EXD3: variants seen among roughly 807,000 people sequenced by gnomAD.
The protein encoded by EXD3 is exonuclease mut-7 homolog.
A neutral mutation model predicts 98.0 loss-of-function variants in EXD3; 92 were observed. The ratio of observed to expected loss-of-function variants is 0.94; its 90% CI spans 0.79 to 1.12. The LOEUF is 1.12. Among genes scored for constraint, EXD3 ranks in the 50% most tolerant of loss-of-function variants. The probability of loss-of-function intolerance (pLI) is 0.00; values close to 1 mark genes in which losing one functional copy is unlikely to be tolerated. For missense variants in EXD3, 1,222 were observed against 1,191.6 expected (o/e 1.03, Z -0.38); for synonymous variants, 569 against 526.0 (o/e 1.08, Z -1.12).
At chr9:137,309,771 C>T (rs766255724) in intron 19 of EXD3, 71 bp from the exon 20 acceptor site, 22 of 1,188,864 alleles carry the variant, frequency 1.9e-5, no homozygotes, top group South Asian at 7.8e-5. Flanking sequence ...GCCCTCTGCT[C>T]GCTCCTCGAA....
intron 20 of EXD3, among the ~76,000 whole-genome samples, chr9:137,309,293 G>A (rs1351053288): frequency 6.6e-6 from 1 of 152,118 alleles, no homozygotes; most frequent in Non-Finnish European, 1.5e-5. Context: ...GTGTCTGTGT[G>A]CACCGCATGC....
chr9:137,334,950 G>A (rs1386065910), intron 17 of EXD3, among the ~76,000 whole-genome samples: 4 of 152,076 alleles, frequency 2.6e-5, no homozygotes, highest in East Asian at 3.9e-4. Flanking sequence ...GGTGGCAGGC[G>A]CCTGTAGTCC....
At chr9:137,388,321 G>A (rs1836714013) in intron 2 of EXD3, among the ~76,000 whole-genome samples, 2 of 152,090 alleles carry the variant, frequency 1.3e-5, no homozygotes, top group Non-Finnish European at 1.5e-5. Flanking sequence ...TCCCCAGGAC[G>A]GCTCCCCAGC....
chr9:137,331,658 G>A (rs970883864), intron 17 of EXD3, among the ~76,000 whole-genome samples: 21 of 152,206 alleles, frequency 1.4e-4, no homozygotes, highest in Middle Eastern at 3.2e-3. Flanking sequence ...GCTCACGCCT[G>A]TAATCCCAGC....
intron 8 of EXD3, among the ~76,000 whole-genome samples, chr9:137,355,983 A>G (rs1391970358): frequency 6.6e-6 from 1 of 152,100 alleles, no homozygotes; most frequent in Non-Finnish European, 1.5e-5. Context: ...CTCAGCACTC[A>G]CCCTCAGCTC....
At chr9:137,392,793 C>A in intron 2 of EXD3, 1 of 261,102 alleles carries the variant, frequency 3.8e-6, no homozygotes, top group East Asian at 1.1e-4. Flanking sequence ...CAGGGGGCAT[C>A]GAGGCTGTTC....
chr9:137,326,566 C>T lies in EXD3; in HGVS notation c.1999-2423G>A, dbSNP rs1477510690. On this transcript the variant is annotated intron_variant, in intron 17 of 21. Transcript: ENST00000340951. ...AGTTGGCAAAGGACTTAAATAGACA[C>T]TTCTTCAAAGATATACGCGTGGCCA... Among the ~76,000 whole-genome samples, 3 of 152,102 alleles carry T rather than the reference C, an allele frequency of 2.0e-5. No homozygotes were observed. The East Asian group carries it at 5.8e-4, about 29-fold the overall frequency.
At chr9:137,367,775 T>C in intron 6 of EXD3, 161 bp downstream of exon 6, 1 of 630,046 alleles carries the variant, frequency 1.6e-6, no homozygotes, top group South Asian at 1.9e-5. Flanking sequence ...ATGAGGAGGA[T>C]GGTGGTTTAG....
rs1221944876 is a variant in EXD3, at chr9:137,393,050, G to A, written c.55+2253C>T. 2.3e-5 allele frequency: 15 copies of A among 644,506 alleles called. No homozygotes were observed. Among genetic ancestry groups the A allele is most frequent in the Non-Finnish European group, 3.9e-5 (14 of 360,278 alleles). The allele number at this position is 644,506 out of a possible 1,614,324, so 39.9% of individuals were successfully genotyped here. On this transcript the variant is annotated intron_variant, in intron 2 of 21. Transcript: ENST00000340951. The surrounding 1 kb of genome is among the most constrained non-coding windows in gnomAD (Gnocchi z 4.6). ...GAGGGCCATTAGTGTTCCAGGGGGT[G>A]CTGAGGCTGTTCCAGGGGGCACCGA...
chr9:137,330,565 C>CAGGAGCTACACAGGACTACACAGGACTA (rs1833006715), intron 17 of EXD3, among the ~76,000 whole-genome samples: 2 of 62,548 alleles, frequency 3.2e-5, no homozygotes, highest in Non-Finnish European at 7.5e-5. Context: ...ACACAGGGCT[C>CAGGAGCTACACAGGACTACACAGGACTA]CACAGGAGCT....
chr9:137,338,814 A>G (rs1833503726), intron 17 of EXD3, among the ~76,000 whole-genome samples: 2 of 149,084 alleles, frequency 1.3e-5, no homozygotes, highest in Non-Finnish European at 3.0e-5. Flanking sequence ...AATGGCGTGA[A>G]CCCGGGAGGC....
At chr9:137,354,423 G>A (rs747792984) in intron 9 of EXD3, 46 bp from the exon 10 acceptor site, 2 of 1,611,218 alleles carry the variant, frequency 1.2e-6, no homozygotes, top group Non-Finnish European at 1.7e-6. Context: ...AGCTCCAGAG[G>A]CTGTATCGGG....
At position 137,360,463 on chromosome 9, in the gene EXD3, C is replaced by CTTTT. The variant is rs398113954; in HGVS notation, c.657-4099_657-4096dup. Among the ~76,000 whole-genome samples, 28 of 59,416 alleles carry CTTTT rather than the reference C, an allele frequency of 4.7e-4. 6 individuals carry two copies. The highest frequency in any genetic ancestry group is 1.1e-3 in the African/African-American group (22 of 19,858). The allele number at this position is 59,416 out of a possible 152,430, so 39.0% of individuals were successfully genotyped here. ...TTCATCCTTCCTTCCTTTTCTTCTT[C>CTTTT]TTTTTTTTTTTTTTTGAGATGGAGT... On this transcript the variant is annotated intron_variant, in intron 7 of 21. Coordinates refer to ENST00000340951, the MANE Select transcript of EXD3 (RefSeq NM_017820.5).
At chr9:137,389,095 T>A (rs1393587006) in intron 2 of EXD3, among the ~76,000 whole-genome samples, 1 of 152,108 alleles carries the variant, frequency 6.6e-6, no homozygotes, top group Non-Finnish European at 1.5e-5. Context: ...CCTTCTGGCG[T>A]CCGGGGGCAG....
intron 1 of EXD3, among the ~76,000 whole-genome samples, chr9:137,413,251 A>G (rs909647799): frequency 6.6e-6 from 1 of 152,098 alleles, no homozygotes; most frequent in Admixed American, 6.5e-5. Context: ...CCCAGGCTGG[A>G]GTGCAGTGGC....
chr9:137,349,215 C>T lies in EXD3; in HGVS notation c.1725G>A (p.Leu575=). The T allele has an allele frequency of 6.3e-7, 1 of 1,581,456 alleles. No individual in the cohort carries two copies. The change falls in exon 16 of 22, where the codon CTG becomes CTA. Residue 575 remains leucine (L), a synonymous_variant. Transcript: ENST00000340951. This position sits in a 1 kb window ranked among gnomAD's most constrained non-coding sequence, Gnocchi z 7.4. ...TCCGGCTCCCAGCCAGGTCCTCCGA[C>T]AGGTGGAAGCGGGCGGGCTCTCTGC... is the stretch of plus-strand genomic sequence containing the variant. ...ALCREPARFH[L]SEDLAGSRRP...
At chr9:137,364,347 T>G (rs1398565280) in intron 7 of EXD3, among the ~76,000 whole-genome samples, 1 of 152,024 alleles carries the variant, frequency 6.6e-6, no homozygotes, top group Non-Finnish European at 1.5e-5. Context: ...TTAGGCCAGG[T>G]GCGGTGGCTC....
chr9:137,390,734 C>T (rs61031202), intron 2 of EXD3, among the ~76,000 whole-genome samples: 3,024 of 152,210 alleles, frequency 0.02, 117 homozygotes, highest in African/African-American at 0.069. Flanking sequence ...TGTCACAGCC[C>T]GAGGTTTGGC....
intron 1 of EXD3, among the ~76,000 whole-genome samples, chr9:137,410,484 CAAA>C (rs34834761): frequency 1.7e-4 from 12 of 72,332 alleles, no homozygotes; most frequent in Admixed American, 1.6e-4. Context: ...AACTCTGTCT[CAAA>C]AAAAAAAAAA....
Sources: allele counts gnomAD v4.1 joint callset (sites outside exome capture counted in the v4.1 genomes callset), GRCh38; gene constraint gnomAD v4.1.1; non-coding constraint Gnocchi (gnomAD v3.1); transcripts MANE v1.5; gene names NCBI Gene and HGNC (gene_info 2026-07-23, HGNC 2026-07-21).